Variants in NEU4 observed in about 807,000 individuals in gnomAD.
The protein encoded by NEU4 is neuraminidase 4, also known as sialidase-4.
A neutral mutation model predicts 9.9 loss-of-function variants in NEU4; 7 were observed. The ratio of observed to expected loss-of-function variants is 0.71; its 90% confidence interval spans 0.40 to 1.33. NEU4 has a LOEUF of 1.33. Ranked by LOEUF, NEU4 falls within the 40% of genes most tolerant of loss-of-function variation. NEU4 has a pLI of 0.01. For synonymous variants in NEU4, 348 were observed against 316.9 expected (o/e 1.10, Z -1.04); for missense variants, 717 against 712.6 (o/e 1.01, Z -0.07).
At chr2:241,813,362 C>T in intron 1 of NEU4, 1 of 1,050,160 alleles carries the variant, frequency 9.5e-7, no homozygotes, top group South Asian at 2.6e-5. Flanking sequence ...GTGTGCCCGG[C>T]CTGGGCGGCT....
rs1430494348 is a variant in NEU4, at chr2:241,814,527, C to T, written c.43C>T (p.Arg15Trp). Residue 15 changes from arginine to tryptophan, a missense_variant, in exon 2 of 4, where the codon CGG becomes TGG. Physicochemically the swap from Arg to Trp is moderately radical, Grantham distance 101. Coordinates refer to ENST00000407683, the MANE Select transcript of NEU4 (RefSeq NM_001167600.3). The part of the protein sequence containing the change: ...RTPSRTVLFE[R>W]ERTGLTYRVP... ...CCCTTCACGGACAGTGCTCTTCGAG[C>T]GGGAGAGGACGGGCCTGACCTACCG... The T allele has an allele frequency of 5.0e-6, 8 of 1,610,948 alleles. No individual in the cohort carries two copies. The highest frequency in any genetic ancestry group is 3.3e-5 in the Admixed American group (2 of 59,960).
intron 3 of NEU4, 152 bp downstream of exon 3, chr2:241,815,299 C>T (rs1357767733): frequency 9.2e-7 from 1 of 1,085,944 alleles, no homozygotes; most frequent in Non-Finnish European, 1.3e-6. Context: ...TCTGCGCCTC[C>T]CGTCCCAGGC....
Position 241,816,624 on chromosome 2 carries a change from C to G in NEU4, c.1031C>G (p.Pro344Arg). Residue 344 changes from proline (P) to arginine (R), a missense_variant, in exon 4 of 4, where the codon CCC (proline) becomes CGC (arginine). Coordinates refer to ENST00000407683, the MANE Select transcript of NEU4 (RefSeq NM_001167600.3). The part of the protein sequence containing the change: ...FSRLQPRGDG[P>R]RQPGPRPGVS... ...CGTCTGCAGCCTCGGGGGGATGGCC[C>G]CAGGCAGCCTGGCCCCAGGCCTGGG... is the stretch of plus-strand genomic sequence containing the variant. 6.4e-7 allele frequency: 1 copy of G among 1,564,100 alleles called. No homozygotes were observed. Among genetic ancestry groups the G allele is most frequent in the Non-Finnish European group, 8.6e-7 (1 of 1,158,374 alleles).
chr2:241,812,322 G>A (rs1432392874), intron 1 of NEU4, among the ~76,000 whole-genome samples: 2 of 152,018 alleles, frequency 1.3e-5, no homozygotes, highest in Non-Finnish European at 2.9e-5. Context: ...CCTGGGCCTC[G>A]GTTTCCCCTT....
chr2:241,810,258 T>G (rs74594321), intron 1 of NEU4, among the ~76,000 whole-genome samples: 106,653 of 144,824 alleles, frequency 0.74, 37,792 homozygotes, highest in African/African-American at 0.81. Context: ...GAAAGCCACT[T>G]GGGGGAAGCT....
At chr2:241,812,588 C>T (rs1273108150) in intron 1 of NEU4, among the ~76,000 whole-genome samples, 233 of 69,470 alleles carry the variant, frequency 3.4e-3, no homozygotes, top group African/African-American at 0.011. Context: ...CGGCTGGTCC[C>T]CCAAGACAGA....
At position 241,813,352 on chromosome 2, in the gene NEU4, G is replaced by A. The variant is rs367848210; in HGVS notation, c.-3-1130G>A. 48 of 1,047,832 alleles carry A rather than the reference G, an allele frequency of 4.6e-5. No homozygotes were observed. In the African/African-American group the frequency reaches 6.9e-4, roughly 15 times the overall value. The allele number at this position is 1,047,832 out of a possible 1,614,324, so 64.9% of individuals were successfully genotyped here. Reference sequence around the variant, plus strand: ...CCTTAGCCCCGCATCCAGGTGCCCCGTGTGCCCGGCCTGGGCGGCTGGCCG... The same window carrying A: ...CCTTAGCCCCGCATCCAGGTGCCCCATGTGCCCGGCCTGGGCGGCTGGCCG... On this transcript the variant is annotated intron_variant, in intron 1 of 3. Transcript: ENST00000407683.
chr2:241,815,623 C>A, intron 3 of NEU4: 1 of 498,392 alleles, frequency 2.0e-6, no homozygotes. Context: ...ATTCTTTACT[C>A]CCTTCTCACC....
chr2:241,813,095 C>T (rs1325335972), intron 1 of NEU4, among the ~76,000 whole-genome samples: 1 of 152,212 alleles, frequency 6.6e-6, no homozygotes, highest in Non-Finnish European at 1.5e-5. Flanking sequence ...AAGAGCCTTT[C>T]AGGAACCGGT....
rs570276083 is a variant in NEU4, at chr2:241,816,391, G to T, written c.798G>T (p.Val266=). ...EGTSFLPAER[V]ASLPETAWGC... ...CCTCCTTCCTGCCCGCAGAGCGCGT[G>T]GCTTCCCTGCCCGAGACTGCCTGGG... The change falls in exon 4 of 4, where the codon GTG becomes GTT. Residue 266 remains valine (V), a synonymous_variant. Transcript: ENST00000407683. 3 of 1,600,414 alleles carry T rather than the reference G, an allele frequency of 1.9e-6. No homozygotes were observed. Among genetic ancestry groups the T allele is most frequent in the South Asian group, 2.2e-5 (2 of 89,580 alleles).
intron 1 of NEU4, chr2:241,811,379 C>T (rs781640795): frequency 1.3e-6 from 2 of 1,496,204 alleles, no homozygotes; most frequent in Admixed American, 4.0e-5. Context: ...GGCCTGCTGC[C>T]CGCACAGTGG....
At chr2:241,815,176 C>T (rs1446318181) in intron 3 of NEU4, 29 bp downstream of exon 3, 2 of 1,509,386 alleles carry the variant, frequency 1.3e-6, no homozygotes, top group Non-Finnish European at 1.8e-6. Context: ...GGTCTGGGTC[C>T]CTTTGATTGG....
chr2:241,812,649 T>G (rs969392498), intron 1 of NEU4, among the ~76,000 whole-genome samples: 1 of 120,998 alleles, frequency 8.3e-6, no homozygotes, highest in African/African-American at 3.5e-5. Context: ...CCTGGCCACA[T>G]GGAGGACACG....
At chr2:241,810,257 T>C (rs1378279291) in intron 1 of NEU4, among the ~76,000 whole-genome samples, 6 of 122,324 alleles carry the variant, frequency 4.9e-5, no homozygotes, top group Non-Finnish European at 1.0e-4. Context: ...TGAAAGCCAC[T>C]TGGGGGAAGC....
Position 241,814,465 on chromosome 2 carries a change from C to T in NEU4, c.-3-17C>T. 1 of 1,608,926 alleles carries T rather than the reference C, an allele frequency of 6.2e-7. No homozygotes were observed. Among genetic ancestry groups the T allele is most frequent in the Non-Finnish European group, 8.5e-7 (1 of 1,177,232 alleles). ...TGGGCCTGTCTTGCTGACCTGTGGC[C>T]CTGTACTGACCAGCAGAGCATGGGG... On this transcript the variant is annotated splice_polypyrimidine_tract_variant and intron_variant, in intron 1 of 3. Coordinates refer to ENST00000407683, the MANE Select transcript of NEU4 (RefSeq NM_001167600.3).
Position 241,816,415 on chromosome 2 carries a change from G to C in NEU4, c.822G>C (p.Trp274Cys), listed in dbSNP as rs1700342800. The C allele has an allele frequency of 1.2e-6, 2 of 1,605,234 alleles. No homozygotes were observed. The highest frequency in any genetic ancestry group is 1.1e-5 in the South Asian group (1 of 90,144). The change falls in exon 4 of 4, where the codon TGG (tryptophan) becomes TGC (cysteine). Residue 274 changes from tryptophan (W) to cysteine (C), a missense_variant. By Grantham distance (215) the Trp-to-Cys change is radical. Transcript: ENST00000407683. ...ERVASLPETA[W>C]GCQGSIVGFP... ...TGGCTTCCCTGCCCGAGACTGCCTG[G>C]GGCTGCCAGGGCAGCATCGTGGGCT... is the stretch of plus-strand genomic sequence containing the variant.
In NEU4 at chr2:241,817,189, C is replaced by G; in HGVS notation, c.*141C>G. 1 of 829,492 alleles carries G rather than the reference C, an allele frequency of 1.2e-6. No individual in the cohort carries two copies. Among genetic ancestry groups the G allele is most frequent in the East Asian group, 3.1e-5 (1 of 31,916 alleles). 51.4% of individuals were successfully genotyped at this position (829,492 alleles called of 1,614,324 possible). ...GAAACAAGTTGCTCCTCAGAGCTCT[C>G]AAGCAGGGACTGCTCTTTAGGAAGG... On this transcript the variant is annotated 3_prime_UTR_variant, in exon 4 of 4. Transcript: ENST00000407683.
rs763337044 is a variant in NEU4, at chr2:241,815,973, C to T, written c.458-78C>T. The T allele has an allele frequency of 9.8e-5, 135 of 1,380,794 alleles. 1 individual carries two copies. The highest frequency in any genetic ancestry group is 2.6e-4 in the Middle Eastern group (1 of 3,900). The allele number at this position is 1,380,794 out of a possible 1,614,324, so 85.5% of individuals were successfully genotyped here. A position where few individuals can be genotyped will look rare whatever the true frequency, so the allele number is the denominator to read the frequency against. On this transcript the variant is annotated intron_variant, in intron 3 of 3. Coordinates refer to ENST00000407683, the MANE Select transcript of NEU4 (RefSeq NM_001167600.3). ...CCCGAGGCACCAGCCCCTCCTTCCC[C>T]GTCCCCCTGTGCCTTCCTCCAGCCC...
chr2:241,813,019 T>G (rs942584529), intron 1 of NEU4, among the ~76,000 whole-genome samples: 2 of 152,180 alleles, frequency 1.3e-5, no homozygotes, highest in Non-Finnish European at 2.9e-5. Flanking sequence ...GGACGGAAGC[T>G]GCTCTCAGAA....
Sources: gnomAD v4.1 joint callset for allele counts (sites outside exome capture counted in the v4.1 genomes callset) on GRCh38, gnomAD v4.1.1 for gene constraint, MANE v1.5 for transcripts, NCBI Gene and HGNC (gene_info 2026-07-23, HGNC 2026-07-21) for gene names.